The following ABCC5 variants were observed in gnomAD, a reference collection of about 807,000 sequenced individuals.
ABCC5 encodes ATP-binding cassette sub-family C member 5.
Under a neutral mutation model 160.9 loss-of-function variants are expected in ABCC5, and 61 were observed. The observed-to-expected ratio is 0.38, with a 90% confidence interval of 0.31 to 0.47. The LOEUF (loss-of-function observed/expected upper bound fraction) is 0.47. Among genes scored for constraint, ABCC5 ranks in the 20% least tolerant of loss-of-function variants. ABCC5 has a pLI of 0.99. For synonymous variants in ABCC5, 666 were observed against 700.6 expected, an observed-to-expected ratio of 0.95 and a Z score of 0.78; for missense variants, 1,308 against 1,813.3, an observed-to-expected ratio of 0.72 and a Z score of 5.06.
At position 183,951,432 on chromosome 3, in the gene ABCC5, G is replaced by A. The variant is rs1202463851; in HGVS notation, c.2944+9C>T. 5 of 1,613,696 alleles carry A rather than the reference G, an allele frequency of 3.1e-6. No homozygotes were observed. In the South Asian group the frequency reaches 3.3e-5, roughly 11 times the overall value. On this transcript the variant is annotated intron_variant, in intron 20 of 29. Transcript: ENST00000334444. This position sits in a 1 kb window ranked among gnomAD's most constrained non-coding sequence, Gnocchi z 4.7. ...CCAGAGTATTAAAAAAAGGCTCAGTGAGAAATACCTTCATCCATGTCTTTG... is the reference window on the plus strand; with the variant it reads ...CCAGAGTATTAAAAAAAGGCTCAGTAAGAAATACCTTCATCCATGTCTTTG...
intron 3 of ABCC5, 41 bp downstream of exon 3, chr3:183,989,185 C>T: frequency 8.0e-7 from 1 of 1,256,214 alleles, no homozygotes; most frequent in Non-Finnish European, 1.1e-6. Context: ...AAAAAAAAGG[C>T]CTTTGATGCT....
intron 5 of ABCC5, chr3:183,986,862 A>G (rs142736466): frequency 3.0e-4 from 45 of 152,370 alleles, no homozygotes; most frequent in African/African-American, 1.1e-3. Flanking sequence ...TTAATAATAT[A>G]GAAACCCAAT....
At chr3:184,002,094 AG>A (rs1295955194) in intron 2 of ABCC5, among the ~76,000 whole-genome samples, 2 of 152,164 alleles carry the variant, frequency 1.3e-5, no homozygotes, top group African/African-American at 4.8e-5. Context: ...GAAGCTAAAG[AG>A]GGACAATGAA....
chr3:183,926,865 T>G lies in ABCC5; in HGVS notation c.4047+465A>C, dbSNP rs539309284. Among the ~76,000 whole-genome samples the G allele has an allele frequency of 3.3e-5, 5 of 151,924 alleles. No homozygotes were observed. The East Asian group carries it at 9.8e-4, about 30-fold the overall frequency. On this transcript the variant is annotated intron_variant, in intron 28 of 29. Coordinates refer to ENST00000334444, the MANE Select transcript of ABCC5 (RefSeq NM_005688.4). ...ATCGAGACTATCCTGGCCAACATGGTGAAACCCCATCTCTACTAAAAATGC... is the reference window on the plus strand; with the variant it reads ...ATCGAGACTATCCTGGCCAACATGGGGAAACCCCATCTCTACTAAAAATGC...
intron 5 of ABCC5, chr3:183,986,689 G>A (rs1000936071): frequency 6.6e-6 from 1 of 152,158 alleles, no homozygotes; most frequent in Non-Finnish European, 1.5e-5. Context: ...TGAGATCAGA[G>A]CAGCCACCAG....
chr3:184,011,039 G>A (rs916703603), intron 2 of ABCC5, among the ~76,000 whole-genome samples: 1 of 151,504 alleles, frequency 6.6e-6, no homozygotes, highest in African/African-American at 2.4e-5. Context: ...ACCGTGCCCG[G>A]CCCAAACTCA....
chr3:183,948,360 T>C (rs1236879935), intron 22 of ABCC5, among the ~76,000 whole-genome samples: 1 of 152,250 alleles, frequency 6.6e-6, no homozygotes, highest in African/African-American at 2.4e-5. Context: ...CAGCAGTTTT[T>C]TTCAATGCAC....
chr3:183,955,703 C>T (rs1449927574), intron 17 of ABCC5, among the ~76,000 whole-genome samples: 2 of 147,262 alleles, frequency 1.4e-5, no homozygotes, highest in African/African-American at 2.5e-5. Flanking sequence ...CATGCAGATC[C>T]GTGTGTAAAT....
At chr3:183,933,316 G>A (rs1442442745) in intron 26 of ABCC5, among the ~76,000 whole-genome samples, 1 of 152,096 alleles carries the variant, frequency 6.6e-6, no homozygotes, top group Admixed American at 6.6e-5. Context: ...CACAGGGGAC[G>A]AAGACTCAAG....
At chr3:183,935,140 A>G (rs1281875581) in intron 26 of ABCC5, among the ~76,000 whole-genome samples, 1 of 151,924 alleles carries the variant, frequency 6.6e-6, no homozygotes, top group African/African-American at 2.4e-5. Flanking sequence ...CGGCCTCCCA[A>G]AGTGCTGGGA....
chr3:183,934,104 G>A (rs1293708529), intron 26 of ABCC5, among the ~76,000 whole-genome samples: 4 of 152,120 alleles, frequency 2.6e-5, no homozygotes, highest in Non-Finnish European at 2.9e-5. Context: ...TCAGGAGTTC[G>A]AGACCAGCCT....
At position 183,963,279 on chromosome 3, in the gene ABCC5, T is replaced by C; in HGVS notation, c.2235+106A>G. 8.0e-7 allele frequency: 1 copy of C among 1,247,436 alleles called. No individual in the cohort carries two copies. Among genetic ancestry groups the C allele is most frequent in the Non-Finnish European group, 1.2e-6 (1 of 862,464 alleles). 77.3% of individuals were successfully genotyped at this position (1,247,436 alleles called of 1,614,324 possible). A position where few individuals can be genotyped will look rare whatever the true frequency, so the allele number is the denominator to read the frequency against. On this transcript the variant is annotated intron_variant, in intron 15 of 29. Coordinates refer to ENST00000334444, the MANE Select transcript of ABCC5 (RefSeq NM_005688.4). This position sits in a 1 kb window ranked among gnomAD's most constrained non-coding sequence, Gnocchi z 4.6. ...ATTTGCTAAGAAAATGAAACCTTGA[T>C]TCCAGGAATTTCTAGTTATAACACA...
chr3:183,981,392 C>CT (rs1248019972), intron 8 of ABCC5, among the ~76,000 whole-genome samples: 2 of 152,178 alleles, frequency 1.3e-5, no homozygotes, highest in Middle Eastern at 3.2e-3. Flanking sequence ...TTGATATTGT[C>CT]TTCTGTGAAA....
At chr3:184,004,674 A>G (rs532815135) in intron 2 of ABCC5, among the ~76,000 whole-genome samples, 64 of 152,278 alleles carry the variant, frequency 4.2e-4, no homozygotes, top group Middle Eastern at 3.4e-3. Flanking sequence ...AGAAGCAAAC[A>G]CAAAGGTCAG....
chr3:183,980,889 T>A (rs1718683075), intron 8 of ABCC5, among the ~76,000 whole-genome samples: 1 of 152,044 alleles, frequency 6.6e-6, no homozygotes, highest in Non-Finnish European at 1.5e-5. Flanking sequence ...ATTTTTGTAT[T>A]TTTAGTACAG....
chr3:183,992,464 T>A (rs960001317), intron 2 of ABCC5, among the ~76,000 whole-genome samples: 9 of 152,170 alleles, frequency 5.9e-5, no homozygotes, highest in African/African-American at 2.2e-4. Context: ...CATCAACATC[T>A]CTGGGATGCA....
At chr3:183,957,523 T>TACATGCGG (rs1716202631) in intron 17 of ABCC5, among the ~76,000 whole-genome samples, 2 of 111,584 alleles carry the variant, frequency 1.8e-5, no homozygotes, top group Non-Finnish European at 3.9e-5. Context: ...GTTACATGCT[T>TACATGCGG]ATCTGTGTGT....
intron 14 of ABCC5, among the ~76,000 whole-genome samples, chr3:183,964,183 T>G (rs1717022818): frequency 1.3e-5 from 2 of 152,228 alleles, no homozygotes; most frequent in Non-Finnish European, 2.9e-5. Flanking sequence ...TCTTTCCCGC[T>G]AGTACCCCAA....
In ABCC5 at chr3:183,981,874, T is replaced by G. The variant is rs375449153; in HGVS notation, c.1000A>C (p.Met334Leu). ...TATGCTGTGAGCCGTGATGCAAACA[T>G]CTGAAAGGAAAAGCGATGCCACGCC... The part of the protein sequence containing the change: ...AVFILFYPAM[M>L]FASRLTAYFR... The change falls in exon 8 of 30, where the codon ATG becomes CTG. Residue 334 changes from methionine (M) to leucine (L), a missense_variant and splice_region_variant. Met to Leu is a conservative substitution (Grantham distance 15). Coordinates refer to ENST00000334444, the MANE Select transcript of ABCC5 (RefSeq NM_005688.4). 6.3e-7 allele frequency: 1 copy of G among 1,591,420 alleles called. No homozygotes were observed. The highest frequency in any genetic ancestry group is 8.5e-7 in the Non-Finnish European group (1 of 1,173,366).
Sources: gnomAD v4.1 joint callset for allele counts (sites outside exome capture counted in the v4.1 genomes callset) on GRCh38, gnomAD v4.1.1 for gene constraint, Gnocchi (gnomAD v3.1) non-coding constraint, MANE v1.5 for transcripts, NCBI Gene and HGNC (gene_info 2026-07-23, HGNC 2026-07-21) for gene names.